ANKS1B: variants seen among roughly 807,000 people sequenced by gnomAD.
ANKS1B encodes ankyrin repeat and sterile alpha motif domain-containing protein 1B.
ANKS1B carries 36 observed loss-of-function variants against 148.3 expected under a neutral mutation model. The observed-to-expected ratio is 0.24, with a 90% CI of 0.19 to 0.32. The LOEUF (loss-of-function observed/expected upper bound fraction) is 0.32, where lower values mean the gene tolerates loss of function less well. Ranked by LOEUF, ANKS1B falls within the 10% of genes least tolerant of loss-of-function variation. ANKS1B has a pLI of 1.00. For synonymous variants in ANKS1B, 542 were observed against 560.8 expected, an observed-to-expected ratio of 0.97 and a Z score of 0.47; for missense variants, 1,157 against 1,542.6, an observed-to-expected ratio of 0.75 and a Z score of 4.19.
intron 25 of ANKS1B, among the ~76,000 whole-genome samples, chr12:98,768,705 G>T (rs1276415759): frequency 6.8e-6 from 1 of 147,180 alleles, no homozygotes; most frequent in East Asian, 2.0e-4. Context: ...CTGCACTCCA[G>T]CTTGGGCGAC....
intron 12 of ANKS1B, among the ~76,000 whole-genome samples, chr12:99,390,758 A>G (rs964040835): frequency 1.3e-5 from 2 of 152,182 alleles, no homozygotes; most frequent in Non-Finnish European, 2.9e-5. Flanking sequence ...TAAATTACGA[A>G]TGAGACCCAG....
chr12:99,394,699 G>A (rs577107730), intron 12 of ANKS1B, among the ~76,000 whole-genome samples: 2 of 152,100 alleles, frequency 1.3e-5, no homozygotes, highest in Non-Finnish European at 2.9e-5. Flanking sequence ...CTCACAGGTT[G>A]CTCCTTATCA....
chr12:99,136,932 C>A (rs1170263634), intron 15 of ANKS1B, among the ~76,000 whole-genome samples: 1 of 152,082 alleles, frequency 6.6e-6, no homozygotes, highest in Non-Finnish European at 1.5e-5. Flanking sequence ...ATGTAGACCA[C>A]CTGTTTTGGA....
At chr12:99,917,600 T>C (rs1255279594) in intron 1 of ANKS1B, among the ~76,000 whole-genome samples, 2 of 152,234 alleles carry the variant, frequency 1.3e-5, no homozygotes, top group Admixed American at 6.5e-5. Context: ...CAGCAATTCA[T>C]CCTCAATGGG....
chr12:98,996,806 C>T (rs537186782), intron 17 of ANKS1B, among the ~76,000 whole-genome samples: 1 of 94,890 alleles, frequency 1.1e-5, no homozygotes, highest in East Asian at 3.2e-4. Flanking sequence ...GAGCGAGACT[C>T]TATCTCAAAA....
chr12:99,903,559 C>T (rs944812218), intron 1 of ANKS1B, among the ~76,000 whole-genome samples: 1 of 152,154 alleles, frequency 6.6e-6, no homozygotes, highest in Admixed American at 6.5e-5. Context: ...TAGGGTAGTG[C>T]TGTCCAATAG....
intron 12 of ANKS1B, among the ~76,000 whole-genome samples, chr12:99,379,621 A>C (rs997366397): frequency 6.6e-6 from 1 of 152,246 alleles, no homozygotes; most frequent in Non-Finnish European, 1.5e-5. Context: ...GAGTGAAGAA[A>C]ATTGCTACAG....
chr12:99,224,929 A>C (rs2085669449), intron 14 of ANKS1B, among the ~76,000 whole-genome samples: 1 of 152,202 alleles, frequency 6.6e-6, no homozygotes. Flanking sequence ...AATTTTATCA[A>C]GTATCCCTCA....
At chr12:98,916,795 T>G (rs921986237) in intron 17 of ANKS1B, among the ~76,000 whole-genome samples, 3 of 152,174 alleles carry the variant, frequency 2.0e-5, no homozygotes, top group African/African-American at 7.2e-5. Context: ...GCACCACCAC[T>G]TATTTCCTAG....
At position 98,745,484 on chromosome 12, in the gene ANKS1B, G is replaced by T. The variant is rs755356123; in HGVS notation, c.*255C>A. The T allele has an allele frequency of 2.4e-5, 28 of 1,162,866 alleles. No individual in the cohort carries two copies. Among genetic ancestry groups the T allele is most frequent in the Admixed American group, 4.8e-5 (1 of 20,852 alleles). The allele number at this position is 1,162,866 out of a possible 1,614,324, so 72.0% of individuals were successfully genotyped here. On this transcript the variant is annotated 3_prime_UTR_variant, in exon 27 of 27. Transcript: ENST00000683438. The stretch of plus-strand genomic sequence containing the variant: ...GAAATACCTTGGGAGGTGGTGGGGA[G>T]GGGAGTCGGGAGCATCAGGGAAAAC...
At chr12:99,031,463 A>G (rs2099952098) in intron 17 of ANKS1B, among the ~76,000 whole-genome samples, 2 of 152,192 alleles carry the variant, frequency 1.3e-5, no homozygotes, top group South Asian at 4.1e-4. Flanking sequence ...GGAAAAAGCT[A>G]AGACACACTT....
intron 15 of ANKS1B, among the ~76,000 whole-genome samples, chr12:99,122,875 A>G (rs2063244470): frequency 6.6e-6 from 1 of 151,876 alleles, no homozygotes; most frequent in Non-Finnish European, 1.5e-5. Context: ...AATTCTATCC[A>G]TGTGTCCTTT....
At chr12:99,354,739 A>T (rs943710703) in intron 12 of ANKS1B, among the ~76,000 whole-genome samples, 1 of 152,102 alleles carries the variant, frequency 6.6e-6, no homozygotes, top group Non-Finnish European at 1.5e-5. Flanking sequence ...AATCAATTGC[A>T]TAAGTAAAGG....
At chr12:99,277,605 G>A (rs1169684639) in intron 12 of ANKS1B, among the ~76,000 whole-genome samples, 1 of 152,188 alleles carries the variant, frequency 6.6e-6, no homozygotes, top group Non-Finnish European at 1.5e-5. Flanking sequence ...TTACTTCTGA[G>A]GCTCGCCCAG....
intron 24 of ANKS1B, among the ~76,000 whole-genome samples, chr12:98,774,682 G>C (rs76795784): frequency 0.028 from 4,263 of 152,184 alleles, 110 homozygotes; most frequent in East Asian, 0.13. Flanking sequence ...TCCGTGTACA[G>C]CCATCAATGC....
At chr12:99,615,744 T>G (rs1350093451) in intron 9 of ANKS1B, among the ~76,000 whole-genome samples, 4 of 152,020 alleles carry the variant, frequency 2.6e-5, no homozygotes, top group Non-Finnish European at 5.9e-5. Flanking sequence ...AGATAAGGAT[T>G]CCCTTTCTCA....
chr12:99,427,531 C>T (rs1215738725), intron 11 of ANKS1B, among the ~76,000 whole-genome samples: 2 of 152,182 alleles, frequency 1.3e-5, no homozygotes, highest in Non-Finnish European at 2.9e-5. Flanking sequence ...AGTGACTCCT[C>T]CTCCAAATAC....
chr12:98,889,094 T>A (rs1275399428), intron 17 of ANKS1B, among the ~76,000 whole-genome samples: 1 of 152,238 alleles, frequency 6.6e-6, no homozygotes, highest in East Asian at 1.9e-4. Context: ...ATGCATGTTC[T>A]TTAAAATGAG....
At chr12:99,385,995 CAGAA>C (rs1183652412) in intron 12 of ANKS1B, among the ~76,000 whole-genome samples, 1 of 152,154 alleles carries the variant, frequency 6.6e-6, no homozygotes, top group African/African-American at 2.4e-5. Flanking sequence ...ATGTGCTTTT[CAGAA>C]GGAAATCTGA....
Sources: allele counts gnomAD v4.1 joint callset (sites outside exome capture counted in the v4.1 genomes callset), GRCh38; gene constraint gnomAD v4.1.1; transcripts MANE v1.5; gene names NCBI Gene and HGNC (gene_info 2026-07-23, HGNC 2026-07-21).